Variants in FLNB observed in about 807,000 individuals in gnomAD.
The protein encoded by FLNB is filamin-B.
In FLNB, 111 loss-of-function variants were observed where a neutral mutation model predicts 250.6. That is an observed-to-expected ratio of 0.44 (90% confidence interval 0.38 to 0.52). The LOEUF is 0.52. Among genes scored for constraint, FLNB ranks in the 20% least tolerant of loss-of-function variants. The pLI is 0.00. For missense variants in FLNB, 2,869 were observed against 3,447.8 expected, an observed-to-expected ratio of 0.83 and a Z score of 4.20; for synonymous variants, 1,302 against 1,372.1, an observed-to-expected ratio of 0.95 and a Z score of 1.13.
intron 4 of FLNB, among the ~76,000 whole-genome samples, chr3:58,091,040 C>T (rs1204425492): frequency 1.3e-5 from 2 of 150,894 alleles, no homozygotes; most frequent in South Asian, 2.1e-4. Context: ...ATTGTGCCAC[C>T]GCACTGTAGC....
intron 24 of FLNB, among the ~76,000 whole-genome samples, 192 bp from the exon 25 acceptor site, chr3:58,130,549 C>T (rs751434143): frequency 8.5e-5 from 13 of 152,142 alleles, no homozygotes; most frequent in Non-Finnish European, 1.0e-4. Context: ...AACATCTGCA[C>T]GTAGTAGGTG....
chr3:58,066,145 G>A (rs757875174), intron 1 of FLNB, among the ~76,000 whole-genome samples: 19 of 152,066 alleles, frequency 1.2e-4, no homozygotes, highest in Middle Eastern at 3.4e-3. Context: ...AGTTTAGAAC[G>A]CAATTGCTTT....
intron 38 of FLNB, chr3:58,151,019 T>C (rs911070046): frequency 5.9e-5 from 9 of 153,130 alleles, no homozygotes; most frequent in African/African-American, 2.2e-4. Flanking sequence ...GTTCTTCTTG[T>C]GTAGTCACAT....
At chr3:58,108,689 TAAG>T (rs1443564893) in intron 13 of FLNB, 118 bp downstream of exon 13, 11 of 709,316 alleles carry the variant, frequency 1.6e-5, no homozygotes, top group Non-Finnish European at 2.6e-5. Context: ...GTGGAAATGA[TAAG>T]AAGATTATCT....
chr3:58,078,146 A>G (rs914975573), intron 2 of FLNB: 1 of 485,838 alleles, frequency 2.1e-6, no homozygotes, highest in African/African-American at 2.1e-5. Flanking sequence ...GGTGTCATCC[A>G]GGAAAAATTC....
At chr3:58,069,529 C>T (rs1485040247) in intron 1 of FLNB, among the ~76,000 whole-genome samples, 1 of 152,100 alleles carries the variant, frequency 6.6e-6, no homozygotes, top group Non-Finnish European at 1.5e-5. Context: ...GCGTGAGCCA[C>T]CATGCCCGGC....
chr3:58,135,982 C>G lies in FLNB; in HGVS notation c.4675C>G (p.Gln1559Glu), dbSNP rs2097315220. 6.2e-7 allele frequency: 1 copy of G among 1,613,830 alleles called. No individual in the cohort carries two copies. Among genetic ancestry groups the G allele is most frequent in the Non-Finnish European group, 8.5e-7 (1 of 1,179,954 alleles). ...AGCATTTCTCTATGATCCACAGGAC[C>G]AAGAAGGAAAACCCAAAAGAGCCAT... ...EGLLAVQITD[Q>E]EGKPKRAIVH... Residue 1559 changes from glutamine to glutamate, a missense_variant, in exon 28 of 46, where the codon CAA becomes GAA. Coordinates refer to ENST00000295956, the MANE Select transcript of FLNB (RefSeq NM_001457.4).
At chr3:58,095,224 T>C (rs1303293951) in intron 5 of FLNB, among the ~76,000 whole-genome samples, 4 of 140,616 alleles carry the variant, frequency 2.8e-5, no homozygotes, top group African/African-American at 1.0e-4. Context: ...TTGAGGTTTA[T>C]GTATGTATTT....
At chr3:58,131,927 CT>C in intron 25 of FLNB, 2 of 1,536,014 alleles carry the variant, frequency 1.3e-6, no homozygotes, top group South Asian at 2.4e-5. Context: ...TTGATTTTAG[CT>C]GACGACACGG....
At chr3:58,024,850 A>C (rs1038676238) in intron 1 of FLNB, among the ~76,000 whole-genome samples, 2 of 151,030 alleles carry the variant, frequency 1.3e-5, no homozygotes, top group African/African-American at 4.9e-5. Flanking sequence ...AGTAGCTGGT[A>C]CTACAGGTGC....
intron 8 of FLNB, among the ~76,000 whole-genome samples, chr3:58,101,349 T>C (rs910212798): frequency 1.3e-5 from 2 of 152,192 alleles, no homozygotes; most frequent in African/African-American, 4.8e-5. Flanking sequence ...CATGACATTT[T>C]CCCCACTAGT....
chr3:58,105,360 G>A (rs1056454520), intron 11 of FLNB, 144 bp downstream of exon 11: 22 of 1,005,132 alleles, frequency 2.2e-5, no homozygotes, highest in South Asian at 5.4e-5. Context: ...CCATCTCTGC[G>A]TGCTGCTGTA....
intron 1 of FLNB, among the ~76,000 whole-genome samples, chr3:58,043,153 T>TTG (rs1462881842): frequency 3.4e-5 from 5 of 148,232 alleles, no homozygotes; most frequent in African/African-American, 1.3e-4. Flanking sequence ...TTTTTTTTTT[T>TTG]TTTTTTTTTT....
intron 1 of FLNB, among the ~76,000 whole-genome samples, chr3:58,031,746 G>T (rs1483342554): frequency 6.6e-6 from 1 of 151,064 alleles, no homozygotes; most frequent in Non-Finnish European, 1.5e-5. Flanking sequence ...GTTTTGCCAT[G>T]TTGCCCAGGC....
rs1218803353 is a variant in FLNB, at chr3:58,124,414, C to T, written c.3807C>T (p.His1269=). The change falls in exon 22 of 46, where the codon CAC becomes CAT. Residue 1269 remains histidine, a synonymous_variant. Coordinates refer to ENST00000295956, the MANE Select transcript of FLNB (RefSeq NM_001457.4). ...TTGGGGGTGACCACATCAAGGCCCACATTGCCAACCCCTCAGGGGCCTCCA... is the reference window on the plus strand; with the variant it reads ...TTGGGGGTGACCACATCAAGGCCCATATTGCCAACCCCTCAGGGGCCTCCA... The part of the protein sequence containing the change: ...TQVGGDHIKA[H]IANPSGASTE... 3 of 1,614,138 alleles carry T rather than the reference C, an allele frequency of 1.9e-6. No individual in the cohort carries two copies. The highest frequency in any genetic ancestry group is 2.5e-6 in the Non-Finnish European group (3 of 1,180,050).
At chr3:58,015,294 A>G (rs937556081) in intron 1 of FLNB, among the ~76,000 whole-genome samples, 1 of 152,180 alleles carries the variant, frequency 6.6e-6, no homozygotes, top group African/African-American at 2.4e-5. Flanking sequence ...TGTCATTATC[A>G]CTATGAATAT....
intron 28 of FLNB, among the ~76,000 whole-genome samples, chr3:58,136,746 CT>C (rs57053256): frequency 0.016 from 1,303 of 79,772 alleles, 2 homozygotes; most frequent in Non-Finnish European, 0.022. Flanking sequence ...ACAGGCCATT[CT>C]TTTTTTTTTT....
In FLNB at chr3:58,169,480, G is replaced by A. The variant is rs1246447807; in HGVS notation, c.7418-110G>A. On this transcript the variant is annotated intron_variant, in intron 44 of 45. Transcript: ENST00000295956. The surrounding 1 kb of genome is among the most constrained non-coding windows in gnomAD (Gnocchi z 4.8). Reference sequence around the variant, plus strand: ...CAGGTGTGGTGGCTTTTGTGTTGGGGTGCGCGGGCTCTCCTGGGGTTACTG... The same window carrying A: ...CAGGTGTGGTGGCTTTTGTGTTGGGATGCGCGGGCTCTCCTGGGGTTACTG... 2 of 841,836 alleles carry A rather than the reference G, an allele frequency of 2.4e-6. No individual in the cohort carries two copies. The highest frequency in any genetic ancestry group is 1.7e-5 in the African/African-American group (1 of 60,316). 52.1% of individuals were successfully genotyped at this position (841,836 alleles called of 1,614,324 possible). A position where few individuals can be genotyped will look rare whatever the true frequency, so the allele number is the denominator to read the frequency against.
intron 1 of FLNB, among the ~76,000 whole-genome samples, chr3:58,058,872 C>T (rs1195173386): frequency 6.6e-6 from 1 of 152,210 alleles, no homozygotes. Context: ...CTCCCAGCCT[C>T]TGGGAATGTT....
Sources: allele counts gnomAD v4.1 joint callset (sites outside exome capture counted in the v4.1 genomes callset), GRCh38; gene constraint gnomAD v4.1.1; non-coding constraint Gnocchi (gnomAD v3.1); transcripts MANE v1.5; gene names NCBI Gene and HGNC (gene_info 2026-07-23, HGNC 2026-07-21).